Variants in CATSPERE observed in about 807,000 individuals in gnomAD.
CATSPERE encodes the protein catsper channel auxiliary subunit epsilon.
Under a neutral mutation model 114.1 loss-of-function variants are expected in CATSPERE, and 93 were observed. That is an observed-to-expected ratio of 0.81 (90% CI 0.69 to 0.97). The LOEUF is 0.97. CATSPERE is among the 50% of genes least tolerant of loss of function. The pLI is 0.00. For synonymous variants in CATSPERE, 341 were observed against 384.1 expected (o/e 0.89, Z 1.31); for missense variants, 1,058 against 1,131.6 (o/e 0.93, Z 0.93).
At chr1:244,470,781 A>T (rs530685740) in intron 2 of CATSPERE, among the ~76,000 whole-genome samples, 4 of 152,246 alleles carry the variant, frequency 2.6e-5, no homozygotes, top group Non-Finnish European at 5.9e-5. Context: ...TCAACTAAGG[A>T]AAGGATAAAT....
rs1236546740 is a variant in CATSPERE, at chr1:244,568,096, C to T, written c.1508-4234C>T. 6.6e-6 allele frequency among the ~76,000 whole-genome samples: 1 copy of T among 152,184 alleles called. No homozygotes were observed. Among genetic ancestry groups the T allele is most frequent in the Non-Finnish European group, 1.5e-5 (1 of 68,024 alleles). On this transcript the variant is annotated intron_variant, in intron 10 of 21. Transcript: ENST00000366534. This position sits in a 1 kb window ranked among gnomAD's most constrained non-coding sequence, Gnocchi z 4.4. ...GTTAGTTTTCCTTCTAACAGTCAGG[C>T]TCCTCTCCTGCAGGTCTGCTGGAGT...
chr1:244,479,619 A>G, intron 4 of CATSPERE, 98 bp from the exon 5 acceptor site: 1 of 582,894 alleles, frequency 1.7e-6, no homozygotes, highest in South Asian at 2.9e-5. Flanking sequence ...CTGATCGTGG[A>G]TAAGTAACTT....
chr1:244,467,680 A>G (rs1294976628), intron 2 of CATSPERE, among the ~76,000 whole-genome samples: 5 of 152,214 alleles, frequency 3.3e-5, no homozygotes, highest in South Asian at 2.1e-4. Context: ...AGAACTCCAA[A>G]CTAGAAACAA....
intron 7 of CATSPERE, among the ~76,000 whole-genome samples, chr1:244,507,097 T>A (rs1572456667): frequency 6.6e-6 from 1 of 152,350 alleles, no homozygotes. Flanking sequence ...TTCTTTTTTT[T>A]TATAGCTGAA....
In CATSPERE at chr1:244,616,481, G is replaced by T. The variant is rs1012811109; in HGVS notation, c.2491-1048G>T. On this transcript the variant is annotated intron_variant, in intron 19 of 21. Coordinates refer to ENST00000366534, the MANE Select transcript of CATSPERE (RefSeq NM_001130957.2). Reference sequence around the variant, plus strand: ...AATAAACAGAAATTTATTGGTTCATGATTCTGGAGGGTGGGAAGTCCAAGA... The same window carrying T: ...AATAAACAGAAATTTATTGGTTCATTATTCTGGAGGGTGGGAAGTCCAAGA... 2.0e-5 allele frequency among the ~76,000 whole-genome samples: 3 copies of T among 152,216 alleles called. No individual in the cohort carries two copies. The East Asian group carries it at 5.8e-4, about 29-fold the overall frequency.
chr1:244,623,414 C>T (rs1672661815), intron 20 of CATSPERE, among the ~76,000 whole-genome samples: 1 of 152,122 alleles, frequency 6.6e-6, no homozygotes, highest in Admixed American at 6.6e-5. Context: ...TGGCTAGAAG[C>T]AATCTTGTGG....
intron 8 of CATSPERE, among the ~76,000 whole-genome samples, chr1:244,539,888 T>C (rs9662194): frequency 0.12 from 17,484 of 149,260 alleles, 1,754 homozygotes; most frequent in African/African-American, 0.27. Context: ...GTCTTGCTAG[T>C]GGTCTATCAA....
intron 3 of CATSPERE, 77 bp from the exon 4 acceptor site, chr1:244,477,829 G>A (rs1669609705): frequency 8.1e-7 from 1 of 1,232,340 alleles, no homozygotes; most frequent in Non-Finnish European, 1.2e-6. Flanking sequence ...AAATTTTTAG[G>A]CTTAAAAAAT....
intron 2 of CATSPERE, among the ~76,000 whole-genome samples, chr1:244,474,476 T>G (rs1668968384): frequency 6.6e-6 from 1 of 151,998 alleles, no homozygotes; most frequent in Admixed American, 6.6e-5. Flanking sequence ...TATTCTTTAA[T>G]TATAGAATAT....
At chr1:244,603,167 G>T (rs1669506478) in intron 17 of CATSPERE, among the ~76,000 whole-genome samples, 1 of 152,118 alleles carries the variant, frequency 6.6e-6, no homozygotes, top group Admixed American at 6.5e-5. Flanking sequence ...TTCATAGGCA[G>T]GGGCTCCTGG....
At chr1:244,604,164 G>A (rs558239240) in intron 17 of CATSPERE, among the ~76,000 whole-genome samples, 15 of 152,284 alleles carry the variant, frequency 9.9e-5, no homozygotes, top group Admixed American at 5.9e-4. Context: ...TGTCTGTTGC[G>A]AAAGGGTCCC....
chr1:244,478,657 A>G (rs537737509), intron 4 of CATSPERE, among the ~76,000 whole-genome samples: 10 of 152,328 alleles, frequency 6.6e-5, no homozygotes, highest in Admixed American at 2.6e-4. Flanking sequence ...AGCCAGATGA[A>G]TATTTATTCA....
rs189697335 is a variant in CATSPERE, at chr1:244,546,864, C to T, written c.537-5458C>T. Among the ~76,000 whole-genome samples the T allele has an allele frequency of 5.9e-4, 90 of 152,100 alleles. 1 individual carries two copies. The highest frequency in any genetic ancestry group is 2.0e-3 in the African/African-American group (83 of 41,494). On this transcript the variant is annotated intron_variant, in intron 8 of 21. Transcript: ENST00000366534. ...ACAGCATCAAAATAGCAAATGCTTACGTCATTGGGGTTTAAGAGGGAGTAG... is the reference window on the plus strand; with the variant it reads ...ACAGCATCAAAATAGCAAATGCTTATGTCATTGGGGTTTAAGAGGGAGTAG...
At chr1:244,545,039 A>G (rs1659499798) in intron 8 of CATSPERE, among the ~76,000 whole-genome samples, 1 of 152,152 alleles carries the variant, frequency 6.6e-6, no homozygotes, top group Admixed American at 6.5e-5. Flanking sequence ...TTTCCCTTTC[A>G]TAAGATATCA....
At chr1:244,460,897 G>T (rs1388844300), upstream of CATSPERE, among the ~76,000 whole-genome samples, 1 of 152,250 alleles carries the variant, frequency 6.6e-6, no homozygotes, top group African/African-American at 2.4e-5. Flanking sequence ...CAGCCTGGGG[G>T]ACAGAGTGTG....
chr1:244,451,279 C>T (rs1002443722), upstream of CATSPERE, among the ~76,000 whole-genome samples: 2 of 152,176 alleles, frequency 1.3e-5, no homozygotes, highest in Non-Finnish European at 2.9e-5. The surrounding 1 kb of genome is among the most constrained non-coding windows in gnomAD (Gnocchi z 6.6). Context: ...CGGGCGGTAG[C>T]TCCTCAAACT....
At chr1:244,525,498 A>G (rs1465567226) in intron 8 of CATSPERE, among the ~76,000 whole-genome samples, 1 of 145,870 alleles carries the variant, frequency 6.9e-6, no homozygotes, top group Non-Finnish European at 1.5e-5. Context: ...ATAATAATAA[A>G]TAAAATATAA....
rs535638204 is a variant in CATSPERE at position 244,583,491 on chromosome 1, C to A, written c.2010-373C>A. 5.3e-5 allele frequency among the ~76,000 whole-genome samples: 8 copies of A among 152,214 alleles called. 1 individual carries two copies. In the South Asian group the frequency reaches 1.7e-3, roughly 32 times the overall value. The stretch of plus-strand genomic sequence containing the variant: ...AACGGGTAGGAGCCAGAGGAGGAAC[C>A]CACACAGTGGCTGCCACCTTCAGGT... On this transcript the variant is annotated intron_variant, in intron 12 of 21. Coordinates refer to ENST00000366534, the MANE Select transcript of CATSPERE (RefSeq NM_001130957.2).
chr1:244,517,433 T>C (rs920965858), intron 7 of CATSPERE, among the ~76,000 whole-genome samples: 4 of 151,942 alleles, frequency 2.6e-5, no homozygotes, highest in Non-Finnish European at 5.9e-5. Context: ...AATTAAAATA[T>C]CTATTATTTA....
Sources: gnomAD v4.1 joint callset for allele counts (sites outside exome capture counted in the v4.1 genomes callset) on GRCh38, gnomAD v4.1.1 for gene constraint, Gnocchi (gnomAD v3.1) non-coding constraint, MANE v1.5 for transcripts, NCBI Gene and HGNC (gene_info 2026-07-23, HGNC 2026-07-21) for gene names.